Variants in NCMAP observed in about 807,000 individuals in gnomAD.
NCMAP encodes the protein noncompact myelin-associated protein.
NCMAP carries 8 observed loss-of-function variants against 7.8 expected under a neutral mutation model. That is an observed-to-expected ratio of 1.02 (90% CI 0.60 to 1.84). NCMAP has a LOEUF of 1.84. Among genes scored for constraint, NCMAP ranks in the 40% most tolerant of loss-of-function variants. The pLI is 0.00. For synonymous variants in NCMAP, 41 were observed against 52.9 expected (o/e 0.78, Z 0.98); for missense variants, 112 against 131.4 (o/e 0.85, Z 0.72).
intron 1 of NCMAP, among the ~76,000 whole-genome samples, chr1:24,580,345 G>A (rs1028016004): frequency 1.3e-5 from 2 of 152,176 alleles, no homozygotes; most frequent in African/African-American, 4.8e-5. Context: ...TCTGCAGACG[G>A]GGGCAGAACT....
chr1:24,604,592 AAAAAAAAAAAAAAATATATATATATATAT>A (rs1652627325), intron 3 of NCMAP, among the ~76,000 whole-genome samples: 2 of 62,866 alleles, frequency 3.2e-5, no homozygotes, highest in African/African-American at 1.9e-4. Context: ...AAAAAAAAAA[AAAAAAAAAAAAAAATATATATATATATAT>A]ATATATATAT....
At chr1:24,556,299 G>A (rs1360859338) in intron 1 of NCMAP, 130 bp downstream of exon 1, 1 of 152,304 alleles carries the variant, frequency 6.6e-6, no homozygotes, top group African/African-American at 2.4e-5. Flanking sequence ...GTGGGGACGA[G>A]GGGTCCCCAG....
chr1:24,575,295 C>T (rs1480426370), intron 1 of NCMAP, among the ~76,000 whole-genome samples: 26 of 151,896 alleles, frequency 1.7e-4, no homozygotes, highest in Admixed American at 1.7e-3. Flanking sequence ...GTTTTTTTCC[C>T]TCGGGTTGGA....
intron 1 of NCMAP, among the ~76,000 whole-genome samples, chr1:24,577,938 T>C (rs575301471): frequency 9.8e-4 from 149 of 152,132 alleles, no homozygotes; most frequent in Non-Finnish European, 1.9e-3. Context: ...GCGCATTTTG[T>C]TTTGAATGAA....
chr1:24,594,889 G>T (rs1652166479), intron 1 of NCMAP, among the ~76,000 whole-genome samples: 1 of 113,178 alleles, frequency 8.8e-6, no homozygotes, highest in East Asian at 2.3e-4. Flanking sequence ...AGACCTTTAT[G>T]TAAAAAAAAA....
At chr1:24,570,571 T>C (rs922905033) in intron 1 of NCMAP, among the ~76,000 whole-genome samples, 5 of 150,988 alleles carry the variant, frequency 3.3e-5, no homozygotes, top group Admixed American at 6.6e-5. Context: ...AAGCTATTAT[T>C]ATATTCCTGG....
chr1:24,560,160 CAAAAA>C (rs67052970), intron 1 of NCMAP, among the ~76,000 whole-genome samples: 21,540 of 89,292 alleles, frequency 0.24, 1,844 homozygotes, highest in East Asian at 0.33. Context: ...GACTCCATCT[CAAAAA>C]AAAAAAAAAA....
chr1:24,597,831 A>G (rs893725760), intron 2 of NCMAP, among the ~76,000 whole-genome samples: 2 of 152,182 alleles, frequency 1.3e-5, no homozygotes, highest in African/African-American at 4.8e-5. Flanking sequence ...CTTATTTAGT[A>G]TGTGTCATAC....
chr1:24,585,409 C>T (rs1204199743), intron 1 of NCMAP, among the ~76,000 whole-genome samples: 1 of 152,176 alleles, frequency 6.6e-6, no homozygotes, highest in African/African-American at 2.4e-5. Context: ...GGAAGGATCG[C>T]TGCTTTCCAG....
rs1169158254 is a variant in NCMAP, at chr1:24,608,469, G to C, written c.*2722G>C. On this transcript the variant is annotated 3_prime_UTR_variant, in exon 4 of 4. Transcript: ENST00000374392. ...CTTCTCAACACATCCAAGTGCTAAG[G>C]ATTCCTGCTTCATTCAAGCTACTAC... 1 of 152,254 alleles carries C rather than the reference G, an allele frequency of 6.6e-6. No homozygotes were observed. Among genetic ancestry groups the C allele is most frequent in the Non-Finnish European group, 1.5e-5 (1 of 68,082 alleles). The allele number at this position is 152,254 out of a possible 1,614,324, so 9.4% of individuals were successfully genotyped here.
chr1:24,595,409 C>T lies in NCMAP; in HGVS notation c.-7-15C>T. Reference sequence around the variant, plus strand: ...TATCTAATTTTAAACAAAATATCTTCTTCTTTCTCATCAGGATCGAGATGA... The same window carrying T: ...TATCTAATTTTAAACAAAATATCTTTTTCTTTCTCATCAGGATCGAGATGA... On this transcript the variant is annotated splice_polypyrimidine_tract_variant and intron_variant, in intron 1 of 3. Transcript: ENST00000374392. The T allele has an allele frequency of 6.3e-7, 1 of 1,577,786 alleles. No homozygotes were observed. The highest frequency in any genetic ancestry group is 1.3e-5 in the African/African-American group (1 of 74,122).
At chr1:24,577,500 C>G (rs1651621439) in intron 1 of NCMAP, among the ~76,000 whole-genome samples, 1 of 146,242 alleles carries the variant, frequency 6.8e-6, no homozygotes, top group Non-Finnish European at 1.5e-5. Flanking sequence ...GCCTCCAGCT[C>G]CTGGCCTCAA....
rs142231277 is a variant in NCMAP at position 24,570,946 on chromosome 1, C to T, written c.-8+14777C>T. On this transcript the variant is annotated intron_variant, in intron 1 of 3. Coordinates refer to ENST00000374392, the MANE Select transcript of NCMAP (RefSeq NM_001010980.5). ...AACACTTACCACCCGGTCATAATTA[C>T]TCCTTCTGGGCGCCTCTGCTATGCC... Among the ~76,000 whole-genome samples the T allele has an allele frequency of 1.6e-3, 248 of 150,906 alleles. 25 individuals carry two copies. The highest frequency in any genetic ancestry group is 5.9e-3 in the African/African-American group (237 of 40,206).
chr1:24,588,923 C>G (rs902073013), intron 1 of NCMAP, among the ~76,000 whole-genome samples: 1 of 152,154 alleles, frequency 6.6e-6, no homozygotes. Context: ...GCCCTGGATG[C>G]TGGGCCACCT....
intron 1 of NCMAP, among the ~76,000 whole-genome samples, chr1:24,561,362 A>T (rs1020336792): frequency 4.6e-5 from 7 of 152,112 alleles, no homozygotes; most frequent in African/African-American, 1.7e-4. Context: ...AAAGAAAAAG[A>T]AATACTTACA....
intron 1 of NCMAP, among the ~76,000 whole-genome samples, chr1:24,573,584 T>TC (rs912346704): frequency 5.4e-5 from 8 of 147,100 alleles, no homozygotes; most frequent in Non-Finnish European, 1.0e-4. Context: ...CAAGACTCTG[T>TC]CCCCCCTACA....
intron 1 of NCMAP, among the ~76,000 whole-genome samples, chr1:24,575,760 G>A (rs7549084): frequency 0.74 from 112,654 of 151,298 alleles, 42,567 homozygotes; most frequent in African/African-American, 0.87. Context: ...AGCCTGACCA[G>A]CATGGTGAAA....
At chr1:24,569,026 G>GTTTTGT (rs758579672) in intron 1 of NCMAP, among the ~76,000 whole-genome samples, 1 of 150,486 alleles carries the variant, frequency 6.6e-6, no homozygotes, top group Non-Finnish European at 1.5e-5. Context: ...GTTTTGTTTT[G>GTTTTGT]TTTTTTTTTG....
At chr1:24,577,853 G>A (rs936053135) in intron 1 of NCMAP, among the ~76,000 whole-genome samples, 36 of 152,076 alleles carry the variant, frequency 2.4e-4, no homozygotes, top group Admixed American at 7.2e-4. Flanking sequence ...TGCATGGGCC[G>A]GGGGTCGGGG....
Sources: gnomAD v4.1 joint callset for allele counts (sites outside exome capture counted in the v4.1 genomes callset) on GRCh38, gnomAD v4.1.1 for gene constraint, MANE v1.5 for transcripts, NCBI Gene and HGNC (gene_info 2026-07-23, HGNC 2026-07-21) for gene names.